The following ANO4 variants were observed in gnomAD, a reference collection of about 807,000 sequenced individuals.
ANO4 encodes anoctamin-4.
In ANO4, 69 loss-of-function variants were observed where a neutral mutation model predicts 141.9. The ratio of observed to expected loss-of-function variants is 0.49; its 90% CI spans 0.40 to 0.59. The LOEUF (loss-of-function observed/expected upper bound fraction) is 0.59. Ranked by LOEUF, ANO4 falls within the 20% of genes least tolerant of loss-of-function variation. The probability of loss-of-function intolerance (pLI) is 0.00; values close to 1 mark genes in which losing one functional copy is unlikely to be tolerated. For synonymous variants in ANO4, 350 were observed against 394.3 expected, an observed-to-expected ratio of 0.89 and a Z score of 1.33; for missense variants, 894 against 1,162.2, an observed-to-expected ratio of 0.77 and a Z score of 3.36.
chr12:100,734,284 G>A (rs2031514833), intron 2 of ANO4, among the ~76,000 whole-genome samples: 2 of 152,202 alleles, frequency 1.3e-5, no homozygotes, highest in South Asian at 4.1e-4. Flanking sequence ...CTAAGCAAGT[G>A]TTAGAGTGCT....
chr12:100,992,187 A>G (rs2045155123), intron 8 of ANO4, among the ~76,000 whole-genome samples: 2 of 152,218 alleles, frequency 1.3e-5, no homozygotes, highest in African/African-American at 4.8e-5. Flanking sequence ...TGCATACTGC[A>G]TGGTGTCTTC....
chr12:100,754,548 A>G (rs1243359467), intron 3 of ANO4, among the ~76,000 whole-genome samples: 2 of 152,106 alleles, frequency 1.3e-5, no homozygotes, highest in African/African-American at 2.4e-5. Flanking sequence ...ATATGACCCA[A>G]CTATTCCACT....
At chr12:100,892,211 G>T (rs967970919) in intron 1 of ANO4, among the ~76,000 whole-genome samples, 4 of 152,122 alleles carry the variant, frequency 2.6e-5, no homozygotes, top group African/African-American at 9.7e-5. Context: ...GTCTAAAGTT[G>T]CAGTGACCAC....
At chr12:101,050,381 TCA>T (rs2047809930) in intron 14 of ANO4, among the ~76,000 whole-genome samples, 1 of 152,202 alleles carries the variant, frequency 6.6e-6, no homozygotes, top group South Asian at 2.1e-4. Flanking sequence ...TGAAAAGCTT[TCA>T]CTGTTCATGC....
chr12:101,109,189 C>T (rs771627881), intron 22 of ANO4, among the ~76,000 whole-genome samples: 4 of 152,108 alleles, frequency 2.6e-5, no homozygotes, highest in Non-Finnish European at 5.9e-5. Flanking sequence ...GATGTTATAC[C>T]CTCCTCAGTG....
Position 101,099,677 on chromosome 12 carries a change from G to GCC in ANO4, c.2107_2108dup (p.Met704ArgfsTer2). 1 of 1,610,408 alleles carries GCC rather than the reference G, an allele frequency of 6.2e-7. No individual in the cohort carries two copies. ...AATGGGAAAAGGACTATAACCTTCA[G>GCC]CCGATGAATGCCTATGGACTCTTCG... On this transcript the variant is annotated frameshift_variant, in exon 22 of 28. Transcript: ENST00000392977. LOFTEE classifies it high-confidence loss of function.
intron 5 of ANO4, among the ~76,000 whole-genome samples, chr12:100,963,983 A>C (rs907232720): frequency 7.9e-5 from 12 of 152,222 alleles, no homozygotes; most frequent in African/African-American, 2.9e-4. Flanking sequence ...TTTACAAATG[A>C]AGAAACTGAG....
chr12:100,881,873 A>G (rs796217981), intron 1 of ANO4, among the ~76,000 whole-genome samples: 21 of 152,290 alleles, frequency 1.4e-4, no homozygotes, highest in African/African-American at 5.1e-4. Flanking sequence ...TACAGGCCCA[A>G]AGGTCTCCTA....
intron 8 of ANO4, among the ~76,000 whole-genome samples, chr12:101,014,371 G>A (rs1158713751): frequency 6.6e-6 from 1 of 152,100 alleles, no homozygotes; most frequent in African/African-American, 2.4e-5. Context: ...CCACCACCCC[G>A]GGTGAAAACG....
chr12:100,756,673 C>T (rs766005994), intron 3 of ANO4, among the ~76,000 whole-genome samples: 10 of 152,096 alleles, frequency 6.6e-5, no homozygotes, highest in Admixed American at 2.0e-4. Context: ...CACTTGTTTT[C>T]TCTGACTCTT....
At chr12:100,795,945 C>G (rs1022642068) in intron 1 of ANO4, among the ~76,000 whole-genome samples, 1 of 151,774 alleles carries the variant, frequency 6.6e-6, no homozygotes, top group Admixed American at 6.6e-5. Flanking sequence ...AACTTCAAGT[C>G]TATTACTGGC....
intron 3 of ANO4, among the ~76,000 whole-genome samples, chr12:100,784,972 CTT>C (rs2033822224): frequency 1.3e-5 from 2 of 150,810 alleles, no homozygotes; most frequent in Admixed American, 1.3e-4. Context: ...CTCTCTCTCT[CTT>C]TCTCTTTTTA....
chr12:100,995,351 T>C (rs1566104059), intron 8 of ANO4, among the ~76,000 whole-genome samples: 1 of 152,054 alleles, frequency 6.6e-6, no homozygotes, highest in Non-Finnish European at 1.5e-5. Flanking sequence ...AACAAAGACC[T>C]TGTGGCTGGA....
chr12:100,885,772 T>C (rs1593633869), intron 1 of ANO4, among the ~76,000 whole-genome samples: 1 of 152,330 alleles, frequency 6.6e-6, no homozygotes, highest in South Asian at 2.1e-4. Context: ...CAAGATTTTA[T>C]CTGTGATTTC....
At chr12:101,071,835 A>G (rs1445447539) in intron 14 of ANO4, among the ~76,000 whole-genome samples, 1 of 152,140 alleles carries the variant, frequency 6.6e-6, no homozygotes, top group African/African-American at 2.4e-5. Context: ...CTAAGTACCC[A>G]CAAAAATTAA....
intron 1 of ANO4, among the ~76,000 whole-genome samples, chr12:100,889,608 C>G (rs974140302): frequency 6.6e-6 from 1 of 152,164 alleles, no homozygotes; most frequent in Non-Finnish European, 1.5e-5. Flanking sequence ...CAAAAGAAGA[C>G]ATTTATGCAG....
At chr12:101,008,475 C>T (rs2045955507) in intron 8 of ANO4, among the ~76,000 whole-genome samples, 1 of 152,134 alleles carries the variant, frequency 6.6e-6, no homozygotes, top group Non-Finnish European at 1.5e-5. Flanking sequence ...ATTCTTACTA[C>T]AGTAGATACC....
At chr12:100,790,170 C>T (rs1276015220), upstream of ANO4, among the ~76,000 whole-genome samples, 1 of 151,994 alleles carries the variant, frequency 6.6e-6, no homozygotes, top group Non-Finnish European at 1.5e-5. Flanking sequence ...ACAGGTGTAA[C>T]CAGGGCATGA....
At chr12:101,039,258 A>G (rs1376032310) in intron 10 of ANO4, among the ~76,000 whole-genome samples, 1 of 152,200 alleles carries the variant, frequency 6.6e-6, no homozygotes, top group African/African-American at 2.4e-5. Flanking sequence ...TAATCCCAGC[A>G]CATTGGGAGG....
Sources: gnomAD v4.1 joint callset for allele counts (sites outside exome capture counted in the v4.1 genomes callset) on GRCh38, gnomAD v4.1.1 for gene constraint, MANE v1.5 for transcripts, NCBI Gene and HGNC (gene_info 2026-07-23, HGNC 2026-07-21) for gene names.